CEP19: variants seen among roughly 807,000 people sequenced by gnomAD.
The protein encoded by CEP19 is centrosomal protein 19.
In CEP19, 14 loss-of-function variants were observed where a neutral mutation model predicts 17.5. The ratio of observed to expected loss-of-function variants is 0.80; its 90% confidence interval spans 0.53 to 1.25. CEP19 has a LOEUF of 1.25. Ranked by LOEUF, CEP19 falls within the 50% of genes most tolerant of loss-of-function variation. The pLI, the probability that CEP19 is intolerant of heterozygous loss-of-function variation, is 0.00. For synonymous variants in CEP19, 59 were observed against 65.5 expected (o/e 0.90, Z 0.48); for missense variants, 193 against 192.0 (o/e 1.01, Z -0.03).
chr3:196,707,889 A>G lies in CEP19; in HGVS notation c.154T>C (p.Leu52=). The G allele has an allele frequency of 6.2e-7, 1 of 1,611,678 alleles. No individual in the cohort carries two copies. Among genetic ancestry groups the G allele is most frequent in the Non-Finnish European group, 8.5e-7 (1 of 1,179,908 alleles). Residue 52 remains leucine (L), a synonymous_variant, in exon 3 of 3, where the codon TTA becomes CTA. Transcript: ENST00000409690. ...FSDCTRAAEQ[L]KNNPRHKSYL... is the part of the protein sequence containing the mutation. The stretch of plus-strand genomic sequence containing the variant: ...CTCTTGTGTCGCGGATTATTCTTTA[A>G]TTGTTCAGCAGCTCTGGTGCAATCT...
intron 1 of CEP19, among the ~76,000 whole-genome samples, chr3:196,710,999 A>G (rs1448389117): frequency 2.7e-5 from 4 of 150,088 alleles, no homozygotes; most frequent in Non-Finnish European, 5.9e-5. Context: ...TCACCTAACT[A>G]AAATTTGATG....
chr3:196,708,049 TG>T, intron 2 of CEP19, 137 bp from the exon 3 acceptor site: 1 of 963,704 alleles, frequency 1.0e-6, no homozygotes, highest in Admixed American at 2.4e-5. Flanking sequence ...AGTAGCTAAA[TG>T]GCTTGATTGG....
rs776975903 is a variant in CEP19, at chr3:196,707,893, T to A, written c.150A>T (p.Glu50Asp). The A allele has an allele frequency of 1.2e-6, 2 of 1,611,362 alleles. No homozygotes were observed. The highest frequency in any genetic ancestry group is 2.2e-5 in the South Asian group (2 of 91,082). The change falls in exon 3 of 3, where the codon GAA becomes GAT. Residue 50 changes from glutamate (E) to aspartate (D), a missense_variant. Coordinates refer to ENST00000409690, the MANE Select transcript of CEP19 (RefSeq NM_032898.5). ...SKFSDCTRAA[E>D]QLKNNPRHKS... ...TGTGTCGCGGATTATTCTTTAATTG[T>A]TCAGCAGCTCTGGTGCAATCTGGGA...
intron 1 of CEP19, among the ~76,000 whole-genome samples, chr3:196,709,695 AT>A (rs1254736782): frequency 6.6e-6 from 1 of 152,168 alleles, no homozygotes; most frequent in Non-Finnish European, 1.5e-5. Context: ...CTATATGATA[AT>A]TTTCTAGCTA....
At chr3:196,708,442 C>A in intron 2 of CEP19, 86 bp downstream of exon 2, 1 of 1,231,648 alleles carries the variant, frequency 8.1e-7, no homozygotes, top group South Asian at 1.3e-5. Flanking sequence ...CATCCAGTGT[C>A]ACACATCCAG....
chr3:196,708,467 A>G, intron 2 of CEP19, 61 bp downstream of exon 2: 1 of 1,480,970 alleles, frequency 6.8e-7, no homozygotes. Context: ...TGACAGAGTC[A>G]TGATGTGAAC....
intron 1 of CEP19, among the ~76,000 whole-genome samples, chr3:196,709,330 T>C (rs1288841105): frequency 6.6e-6 from 1 of 152,212 alleles, no homozygotes; most frequent in Non-Finnish European, 1.5e-5. Flanking sequence ...ATTATTTTAC[T>C]AGAGTTTTTT....
intron 1 of CEP19, chr3:196,709,047 G>T (rs543292381): frequency 1.1e-4 from 21 of 187,402 alleles, no homozygotes; most frequent in Admixed American, 6.1e-4. Context: ...CTAAGATCTG[G>T]TTTTTTCAAG....
Position 196,707,709 on chromosome 3 carries a change from CCTT to C in CEP19, c.331_333del (p.Lys111del). ...ATGATGCTCTTTCTTTTGGCAAGCT[CCTT>C]GTCATCTAGTTTGTTCAGGTCTTCC... On this transcript the variant is annotated inframe_deletion, in exon 3 of 3. Coordinates refer to ENST00000409690, the MANE Select transcript of CEP19 (RefSeq NM_032898.5). The C allele has an allele frequency of 6.2e-7, 1 of 1,614,118 alleles. No homozygotes were observed. The highest frequency in any genetic ancestry group is 1.3e-5 in the African/African-American group (1 of 75,026).
At chr3:196,711,069 C>T (rs1449500580) in intron 1 of CEP19, among the ~76,000 whole-genome samples, 1 of 150,628 alleles carries the variant, frequency 6.6e-6, no homozygotes, top group Non-Finnish European at 1.5e-5. Context: ...AATGGCTGTA[C>T]TCGTCAAAGA....
Position 196,707,188 on chromosome 3 carries a change from G to A in CEP19, c.*363C>T, listed in dbSNP as rs932923848. 3.5e-5 allele frequency: 6 copies of A among 170,152 alleles called. No homozygotes were observed. The highest frequency in any genetic ancestry group is 2.7e-3 in the Middle Eastern group (1 of 370). The allele number at this position is 170,152 out of a possible 1,614,324, so 10.5% of individuals were successfully genotyped here. On this transcript the variant is annotated 3_prime_UTR_variant, in exon 3 of 3. Transcript: ENST00000409690. Reference sequence around the variant, plus strand: ...CGGGATTACAGGCACCCGCCACCACGCCTGGCTAATTTTTGTATTTTTAGT... The same window carrying A: ...CGGGATTACAGGCACCCGCCACCACACCTGGCTAATTTTTGTATTTTTAGT...
At position 196,708,546 on chromosome 3, in the gene CEP19, T is replaced by C. The variant is rs185280915; in HGVS notation, c.112A>G (p.Asn38Asp). 1.9e-6 allele frequency: 3 copies of C among 1,614,100 alleles called. No individual in the cohort carries two copies. The Admixed American group carries it at 5.0e-5, about 27-fold the overall frequency. ...GAGGTACCTGAAAACTTTGAAAAGT[T>C]TCGAACTGGCATAATGCGCTGGCGA... ...KIRQRIMPVR[N>D]FSKFSDCTRA... The change falls in exon 2 of 3, where the codon AAC becomes GAC. Residue 38 changes from asparagine to aspartate, a missense_variant. Physicochemically the swap from Asn to Asp is conservative, Grantham distance 23. Coordinates refer to ENST00000409690, the MANE Select transcript of CEP19 (RefSeq NM_032898.5).
At chr3:196,708,025 C>T in intron 2 of CEP19, 113 bp from the exon 3 acceptor site, 1 of 1,197,280 alleles carries the variant, frequency 8.4e-7, no homozygotes. Context: ...AAAATATTAT[C>T]TCCATTATAG....
chr3:196,710,713 G>A (rs1410095954), intron 1 of CEP19, among the ~76,000 whole-genome samples: 1 of 152,004 alleles, frequency 6.6e-6, no homozygotes, highest in Non-Finnish European at 1.5e-5. Context: ...ATGGCAGCAT[G>A]CACCTGTAGT....
rs571749158 is a variant in CEP19 at position 196,709,524 on chromosome 3, T to C, written c.-70-797A>G. Among the ~76,000 whole-genome samples the C allele has an allele frequency of 8.5e-5, 13 of 152,318 alleles. 1 individual carries two copies. The highest frequency in any genetic ancestry group is 8.3e-4 in the South Asian group (4 of 4,822). ...TGTACATTTTTGAAAGCATTTACAG[T>C]CTAGAAGCCTGATCAAAAAGCAGAC... is the stretch of plus-strand genomic sequence containing the variant. On this transcript the variant is annotated intron_variant, in intron 1 of 2. Coordinates refer to ENST00000409690, the MANE Select transcript of CEP19 (RefSeq NM_032898.5).
chr3:196,707,736 C>G lies in CEP19; in HGVS notation c.307G>C (p.Glu103Gln). ...TTGTCATCTAGTTTGTTCAGGTCTT[C>G]CTCAGGATCAATGGTTGTTTCCCGT... ...IQRETTIDPE[E>Q]DLNKLDDKEL... The change falls in exon 3 of 3, where the codon GAA becomes CAA. Residue 103 changes from glutamate (E) to glutamine (Q), a missense_variant. Glu to Gln is a conservative substitution (Grantham distance 29, BLOSUM62 2). Coordinates refer to ENST00000409690, the MANE Select transcript of CEP19 (RefSeq NM_032898.5). 6.2e-7 allele frequency: 1 copy of G among 1,614,202 alleles called. No individual in the cohort carries two copies. Among genetic ancestry groups the G allele is most frequent in the Non-Finnish European group, 8.5e-7 (1 of 1,180,042 alleles).
intron 2 of CEP19, 104 bp downstream of exon 2, chr3:196,708,420 GAGTA>G (rs1231279207): frequency 1.0e-5 from 10 of 981,030 alleles, no homozygotes; most frequent in African/African-American, 8.1e-5. Context: ...AGCTCACTGA[GAGTA>G]AGTAATTCAT....
intron 1 of CEP19, 45 bp from the exon 2 acceptor site, chr3:196,708,772 C>T (rs1191443523): frequency 1.6e-5 from 17 of 1,049,642 alleles, no homozygotes; most frequent in Non-Finnish European, 2.3e-5. Context: ...GTCATTCATT[C>T]CCCTCGCCCC....
At chr3:196,708,465 T>C in intron 2 of CEP19, 63 bp downstream of exon 2, 1 of 1,441,352 alleles carries the variant, frequency 6.9e-7, no homozygotes, top group South Asian at 1.2e-5. Context: ...CCTGACAGAG[T>C]CATGATGTGA....
Sources: allele counts gnomAD v4.1 joint callset (sites outside exome capture counted in the v4.1 genomes callset), GRCh38; gene constraint gnomAD v4.1.1; transcripts MANE v1.5; gene names NCBI Gene and HGNC (gene_info 2026-07-23, HGNC 2026-07-21).